CASD1: variants seen among roughly 807,000 people sequenced by gnomAD.
CASD1 encodes the protein N-acetylneuraminate (7)9-O-acetyltransferase.
CASD1 carries 41 observed loss-of-function variants against 100.0 expected under a neutral mutation model. The ratio of observed to expected loss-of-function variants is 0.41; its 90% CI spans 0.32 to 0.53. The LOEUF is 0.53. Among genes scored for constraint, CASD1 ranks in the 20% least tolerant of loss-of-function variants. The pLI, the probability that CASD1 is intolerant of heterozygous loss-of-function variation, is 0.25. For missense variants in CASD1, 774 were observed against 948.7 expected, an observed-to-expected ratio of 0.82 and a Z score of 2.42; for synonymous variants, 321 against 315.6, an observed-to-expected ratio of 1.02 and a Z score of -0.18.
chr7:94,599,259 A>G, the CASD1 span: 17 of 303,648 alleles, frequency 5.6e-5, no homozygotes, highest in Non-Finnish European at 9.6e-5. Flanking sequence ...TTTATTTTCT[A>G]TGATTTAAGA....
intron 3 of CASD1, among the ~76,000 whole-genome samples, chr7:94,524,540 A>C (rs1217416497): frequency 5.3e-5 from 8 of 152,164 alleles, no homozygotes; most frequent in Non-Finnish European, 1.2e-4. Flanking sequence ...TATAACTGCT[A>C]GTGAGAGTGT....
the CASD1 span, chr7:94,600,789 A>C: frequency 6.2e-7 from 1 of 1,613,436 alleles, no homozygotes; most frequent in Non-Finnish European, 8.5e-7. Context: ...TGTATTCTCC[A>C]CCATCAGGTA....
the CASD1 span, among the ~76,000 whole-genome samples, chr7:94,601,459 A>AC: frequency 1.5e-5 from 1 of 68,562 alleles, no homozygotes; most frequent in Admixed American, 1.8e-4. Context: ...AAAAAAAAAA[A>AC]AAAAAAAAAA....
At chr7:94,633,623 CA>C in the CASD1 span, among the ~76,000 whole-genome samples, 10 of 149,516 alleles carry the variant, frequency 6.7e-5, no homozygotes, top group Admixed American at 2.7e-4. Flanking sequence ...AAAGCAGTAG[CA>C]AAAAAAAAGG....
chr7:94,575,593 TC>T, the CASD1 span, among the ~76,000 whole-genome samples: 2 of 152,186 alleles, frequency 1.3e-5, no homozygotes, highest in African/African-American at 4.8e-5. Flanking sequence ...GTCCTGAATA[TC>T]CTTGTTAATT....
At chr7:94,585,205 A>C in the CASD1 span, 1 of 347,170 alleles carries the variant, frequency 2.9e-6, no homozygotes, top group Non-Finnish European at 5.2e-6. Flanking sequence ...TAGTTTACTG[A>C]AGTAAATTTC....
At chr7:94,588,448 TAGAC>T in the CASD1 span, 5 of 1,319,630 alleles carry the variant, frequency 3.8e-6, no homozygotes, top group South Asian at 3.5e-5. Context: ...CTTCCTTAAT[TAGAC>T]AGGACCTCCA....
the CASD1 span, among the ~76,000 whole-genome samples, chr7:94,582,277 C>T: frequency 6.6e-6 from 1 of 152,048 alleles, no homozygotes; most frequent in African/African-American, 2.4e-5. Flanking sequence ...GCCACCATGG[C>T]CGGCTAATTT....
the CASD1 span, among the ~76,000 whole-genome samples, chr7:94,574,598 T>G: frequency 2.6e-5 from 4 of 152,032 alleles, no homozygotes; most frequent in Non-Finnish European, 5.9e-5. Flanking sequence ...TTCTGATTGT[T>G]TTATTTGGAT....
chr7:94,555,901 C>A lies in CASD1; in HGVS notation c.*143C>A, dbSNP rs1796183081. On this transcript the variant is annotated 3_prime_UTR_variant, in exon 18 of 18. Coordinates refer to ENST00000297273, the MANE Select transcript of CASD1 (RefSeq NM_022900.5). ...GGACAGTTCTGTGACATCTGTTGAACATATGTGGTTGTATATATTGGAAAT... is the reference window on the plus strand; with the variant it reads ...GGACAGTTCTGTGACATCTGTTGAAAATATGTGGTTGTATATATTGGAAAT... 2.6e-6 allele frequency: 2 copies of A among 781,332 alleles called. No individual in the cohort carries two copies. Among genetic ancestry groups the A allele is most frequent in the Admixed American group, 2.8e-5 (1 of 35,618 alleles). 48.4% of individuals were successfully genotyped at this position (781,332 alleles called of 1,614,324 possible). A position where few individuals can be genotyped will look rare whatever the true frequency, so the allele number is the denominator to read the frequency against.
intron 1 of CASD1, among the ~76,000 whole-genome samples, chr7:94,515,904 A>G (rs568951278): frequency 6.6e-6 from 1 of 152,172 alleles, no homozygotes; most frequent in African/African-American, 2.4e-5. Flanking sequence ...TTTTCACCTT[A>G]ATTTTAAACA....
At chr7:94,542,378 A>G (rs1300105912) in intron 10 of CASD1, among the ~76,000 whole-genome samples, 2 of 152,228 alleles carry the variant, frequency 1.3e-5, no homozygotes, top group African/African-American at 2.4e-5. Context: ...TACCACATTA[A>G]ATATGATTAA....
intron 12 of CASD1, among the ~76,000 whole-genome samples, chr7:94,546,535 G>A (rs181965369): frequency 6.6e-6 from 1 of 151,832 alleles, no homozygotes; most frequent in Non-Finnish European, 1.5e-5. Flanking sequence ...AAGTCCAGTA[G>A]TGTCTTTGGA....
chr7:94,572,824 G>T, the CASD1 span, among the ~76,000 whole-genome samples: 1 of 152,058 alleles, frequency 6.6e-6, no homozygotes, highest in Admixed American at 6.6e-5. Context: ...GCCCAGGATG[G>T]TATTGCCTAG....
intron 17 of CASD1, among the ~76,000 whole-genome samples, chr7:94,555,238 A>G (rs1796146784): frequency 6.6e-6 from 1 of 152,064 alleles, no homozygotes. Flanking sequence ...AGGGAAAATA[A>G]ATTCCTCTTT....
At chr7:94,604,413 T>C in the CASD1 span, among the ~76,000 whole-genome samples, 1 of 148,470 alleles carries the variant, frequency 6.7e-6, no homozygotes, top group African/African-American at 2.5e-5. Flanking sequence ...AGAATAGCCA[T>C]ACACACACAC....
At chr7:94,592,145 T>C in the CASD1 span, among the ~76,000 whole-genome samples, 2 of 152,232 alleles carry the variant, frequency 1.3e-5, no homozygotes, top group Non-Finnish European at 2.9e-5. Flanking sequence ...AACTTGTAAC[T>C]AAATGTGAAC....
intron 1 of CASD1, among the ~76,000 whole-genome samples, chr7:94,510,860 C>T (rs1202506959): frequency 6.6e-6 from 1 of 152,352 alleles, no homozygotes; most frequent in Non-Finnish European, 1.5e-5. Flanking sequence ...TTAAAGGCTT[C>T]GGAGTGCACA....
At chr7:94,545,506 T>C (rs758809698) in intron 11 of CASD1, 39 bp from the exon 12 acceptor site, 6 of 1,529,358 alleles carry the variant, frequency 3.9e-6, no homozygotes, top group Non-Finnish European at 4.5e-6. Context: ...ATGAAAACAA[T>C]TACTTAGAAT....
Sources: gnomAD v4.1 joint callset for allele counts (sites outside exome capture counted in the v4.1 genomes callset) on GRCh38, gnomAD v4.1.1 for gene constraint, MANE v1.5 for transcripts, NCBI Gene and HGNC (gene_info 2026-07-23, HGNC 2026-07-21) for gene names.